Variants in MEX3D observed in about 807,000 individuals in gnomAD.
MEX3D encodes mex-3 RNA binding family member D.
A neutral mutation model predicts 6.3 loss-of-function variants in MEX3D; 4 were observed. The ratio of observed to expected loss-of-function variants is 0.64; its 90% confidence interval spans 0.31 to 1.46. MEX3D has a LOEUF of 1.46. MEX3D is among the 40% of genes most tolerant of loss of function. The pLI, the probability that MEX3D is intolerant of heterozygous loss-of-function variation, is 0.07. For synonymous variants in MEX3D, 626 were observed against 494.1 expected (o/e 1.27, Z -3.54); for missense variants, 1,038 against 994.4 (o/e 1.04, Z -0.59).
At chr19:1,565,818 G>A (rs1277293879) in intron 1 of MEX3D, among the ~76,000 whole-genome samples, 2 of 152,224 alleles carry the variant, frequency 1.3e-5, no homozygotes, top group Non-Finnish European at 2.9e-5. Flanking sequence ...CCATGGACCT[G>A]CCCCTAGAGA....
Position 1,561,211 on chromosome 19 carries a change from C to T in MEX3D, c.596-4288G>A, listed in dbSNP as rs1473101710. On this transcript the variant is annotated intron_variant, in intron 1 of 1. Coordinates refer to ENST00000402693, the MANE Select transcript of MEX3D (RefSeq NM_203304.4). ...CAGGGTCCTGGCTGCAATGACCGTG[C>T]ACTACGACTTACCAATGAAACCACA... Among the ~76,000 whole-genome samples the T allele has an allele frequency of 7.2e-5, 11 of 152,224 alleles. No homozygotes were observed. The East Asian group carries it at 1.9e-3, about 27-fold the overall frequency.
intron 1 of MEX3D, among the ~76,000 whole-genome samples, chr19:1,560,346 G>A (rs1445828842): frequency 2.6e-5 from 4 of 152,240 alleles, no homozygotes; most frequent in Admixed American, 2.6e-4. Flanking sequence ...GCCACCCACA[G>A]ATGGAGGCTC....
rs1914901154 is a variant in MEX3D, at chr19:1,568,051, C to G, written c.8G>C (p.Ser3Thr). ...GCCGCCGTCGGGCTGGCCGAGCGAG[C>G]TGGGCATGGCGGGAGCTAGCGCTGG... Reference protein sequence around the residue: MPSSLGQPDGGGG... With the variant: MPTSLGQPDGGGG... The change falls in exon 1 of 2, where the codon AGC (serine) becomes ACC (threonine). Residue 3 changes from serine to threonine, a missense_variant. Ser to Thr is a moderately conservative substitution (Grantham distance 58, BLOSUM62 1). Coordinates refer to ENST00000402693, the MANE Select transcript of MEX3D (RefSeq NM_203304.4). The G allele has an allele frequency of 3.1e-6, 3 of 978,118 alleles. No homozygotes were observed. The highest frequency in any genetic ancestry group is 6.4e-5 in the Admixed American group (1 of 15,528). The allele number at this position is 978,118 out of a possible 1,614,324, so 60.6% of individuals were successfully genotyped here. A position where few individuals can be genotyped will look rare whatever the true frequency, so the allele number is the denominator to read the frequency against.
At position 1,568,276 on chromosome 19, in the gene MEX3D, G is replaced by A. The variant is rs1914910340; in HGVS notation, c.-218C>T. ...GCAGCGACTCTGGCTGCGGCTCGGC[G>A]GCGGCGGCGACGGCGGCGGCGGCTC... On this transcript the variant is annotated 5_prime_UTR_variant, in exon 1 of 2. Coordinates refer to ENST00000402693, the MANE Select transcript of MEX3D (RefSeq NM_203304.4). Among the ~76,000 whole-genome samples, 1 of 141,976 alleles carries A rather than the reference G, an allele frequency of 7.0e-6. No individual in the cohort carries two copies. Among genetic ancestry groups the A allele is most frequent in the African/African-American group, 2.5e-5 (1 of 39,674 alleles). The allele number at this position is 141,976 out of a possible 152,430, so 93.1% of individuals were successfully genotyped here.
intron 1 of MEX3D, among the ~76,000 whole-genome samples, chr19:1,562,524 C>CA (rs1914746200): frequency 6.6e-6 from 1 of 151,256 alleles, no homozygotes; most frequent in African/African-American, 2.4e-5. Flanking sequence ...GACTCCGCCT[C>CA]AAAAGAAAAG....
In MEX3D at chr19:1,555,932, C is replaced by G; in HGVS notation, c.1587G>C (p.Leu529=). 1 of 1,189,026 alleles carries G rather than the reference C, an allele frequency of 8.4e-7. No homozygotes were observed. The highest frequency in any genetic ancestry group is 1.0e-6 in the Non-Finnish European group (1 of 960,672). 73.7% of individuals were successfully genotyped at this position (1,189,026 alleles called of 1,614,324 possible). Residue 529 remains leucine, a synonymous_variant, in exon 2 of 2, where the codon CTG becomes CTC. Coordinates refer to ENST00000402693, the MANE Select transcript of MEX3D (RefSeq NM_203304.4). ...EPGGLRLELP[L]SRRGAPDPVG... Reference sequence around the variant, plus strand: ...CCGGGTCCGGGGCGCCACGGCGAGACAGCGGGAGCTCCAGGCGGAGGCCGC... The same window carrying G: ...CCGGGTCCGGGGCGCCACGGCGAGAGAGCGGGAGCTCCAGGCGGAGGCCGC...
At chr19:1,558,432 CAG>C (rs1056003187) in intron 1 of MEX3D, among the ~76,000 whole-genome samples, 3 of 151,924 alleles carry the variant, frequency 2.0e-5, no homozygotes, top group African/African-American at 4.8e-5. Context: ...GAGACACAGA[CAG>C]AGACTGCAGT....
Position 1,556,820 on chromosome 19 carries a change from C to A in MEX3D, c.699G>T (p.Val233=). ...VFIVTGRKED[V]EMAKREILSA... ...ACAGGATCTCACGCTTGGCCATCTC[C>A]ACGTCCTCCTTCCGGCCGGTCACGA... The change falls in exon 2 of 2, where the codon GTG becomes GTT. Residue 233 remains valine, a synonymous_variant. Coordinates refer to ENST00000402693, the MANE Select transcript of MEX3D (RefSeq NM_203304.4). The surrounding 1 kb of genome is among the most constrained non-coding windows in gnomAD (Gnocchi z 7.5). 6.2e-7 allele frequency: 1 copy of A among 1,612,660 alleles called. No individual in the cohort carries two copies. Among genetic ancestry groups the A allele is most frequent in the South Asian group, 1.1e-5 (1 of 91,092 alleles).
In MEX3D at chr19:1,555,438, C is replaced by CG; in HGVS notation, c.*124_*125insC. The CG allele has an allele frequency of 1.0e-5, 15 of 1,476,378 alleles. No homozygotes were observed. The highest frequency in any genetic ancestry group is 1.4e-5 in the Non-Finnish European group (15 of 1,098,360). The allele number at this position is 1,476,378 out of a possible 1,614,324, so 91.5% of individuals were successfully genotyped here. A position where few individuals can be genotyped will look rare whatever the true frequency, so the allele number is the denominator to read the frequency against. On this transcript the variant is annotated 3_prime_UTR_variant, in exon 2 of 2. Coordinates refer to ENST00000402693, the MANE Select transcript of MEX3D (RefSeq NM_203304.4). ...CTGTAAACACTGGCCGCCGCCCACC[C>CG]CCCTGCCCCCTCGGCCTCCGCCCCT...
At position 1,556,151 on chromosome 19, in the gene MEX3D, G is replaced by A. The variant is rs1220939634; in HGVS notation, c.1368C>T (p.Asp456=). Residue 456 remains aspartate, a synonymous_variant, in exon 2 of 2, where the codon GAC becomes GAT. Transcript: ENST00000402693. This position sits in a 1 kb window ranked among gnomAD's most constrained non-coding sequence, Gnocchi z 7.5. ...AAPDDCDFGF[D]FDFLALDLTV... is the part of the protein sequence containing the mutation. ...TCAGGTCCAGCGCCAGGAAGTCGAA[G>A]TCGAAGCCGAAGTCGCAGTCGTCGG... The A allele has an allele frequency of 6.8e-7, 1 of 1,475,338 alleles. No individual in the cohort carries two copies. The allele number at this position is 1,475,338 out of a possible 1,614,324, so 91.4% of individuals were successfully genotyped here. A position where few individuals can be genotyped will look rare whatever the true frequency, so the allele number is the denominator to read the frequency against.
At chr19:1,565,214 T>G (rs893559336) in intron 1 of MEX3D, among the ~76,000 whole-genome samples, 2 of 152,064 alleles carry the variant, frequency 1.3e-5, no homozygotes, top group African/African-American at 4.8e-5. Context: ...AGCAAGACCC[T>G]GTCTCTACAA....
chr19:1,560,537 A>G (rs1227508614), intron 1 of MEX3D, among the ~76,000 whole-genome samples: 1 of 152,186 alleles, frequency 6.6e-6, no homozygotes, highest in Non-Finnish European at 1.5e-5. Flanking sequence ...GCCACCGCTG[A>G]GCTCACAGGC....
chr19:1,567,700 G>A lies in MEX3D; in HGVS notation c.359C>T (p.Ala120Val), dbSNP rs1423267854. ...GTCCAGCAGCGGCAGCGACCCGGGG[G>A]CCACGGCGGGGGCCAGGGTCGGGGG... The part of the protein sequence containing the change: ...GAPPTLAPAV[A>V]PGSLPLLDPN... The change falls in exon 1 of 2, where the codon GCC (alanine) becomes GTC (valine). Residue 120 changes from alanine (A) to valine (V), a missense_variant. By Grantham distance (64) the Ala-to-Val change is moderately conservative. Coordinates refer to ENST00000402693, the MANE Select transcript of MEX3D (RefSeq NM_203304.4). The surrounding 1 kb of genome is among the most constrained non-coding windows in gnomAD (Gnocchi z 6.5). 23 of 1,073,982 alleles carry A rather than the reference G, an allele frequency of 2.1e-5. No homozygotes were observed. The East Asian group carries it at 2.6e-4, about 12-fold the overall frequency. 66.5% of individuals were successfully genotyped at this position (1,073,982 alleles called of 1,614,324 possible).
chr19:1,565,999 G>A (rs1914829662), intron 1 of MEX3D, among the ~76,000 whole-genome samples: 1 of 152,246 alleles, frequency 6.6e-6, no homozygotes, highest in South Asian at 2.1e-4. Context: ...CGTGCCTTTG[G>A]TCACTTGGTC....
Position 1,567,736 on chromosome 19 carries a change from T to C in MEX3D, c.323A>G (p.Glu108Gly). 1.0e-6 allele frequency: 1 copy of C among 974,458 alleles called. No homozygotes were observed. The highest frequency in any genetic ancestry group is 1.2e-6 in the Non-Finnish European group (1 of 815,558). 60.4% of individuals were successfully genotyped at this position (974,458 alleles called of 1,614,324 possible). The change falls in exon 1 of 2, where the codon GAG becomes GGG. Residue 108 changes from glutamate to glycine, a missense_variant. This residue lies in a region of MEX3D where 265 missense variants were observed against 206.3 expected (regional missense o/e 1.28). Transcript: ENST00000402693. The surrounding 1 kb of genome is among the most constrained non-coding windows in gnomAD (Gnocchi z 6.5). ...GGCCAGGGTCGGGGGCGCGCCGGCC[T>C]CAGGTCCGTCGGGGGGCACAGGCTC... ...APEPVPPDGP[E>G]AGAPPTLAPA...
chr19:1,565,022 A>G (rs1005132082), intron 1 of MEX3D, among the ~76,000 whole-genome samples: 2 of 152,174 alleles, frequency 1.3e-5, no homozygotes, highest in African/African-American at 4.8e-5. Flanking sequence ...CCTGGCATCC[A>G]CAGTTGCATC....
chr19:1,568,073 C>T lies in MEX3D; in HGVS notation c.-15G>A. On this transcript the variant is annotated 5_prime_UTR_variant, in exon 1 of 2. Coordinates refer to ENST00000402693, the MANE Select transcript of MEX3D (RefSeq NM_203304.4). Reference sequence around the variant, plus strand: ...GAGCTGGGCATGGCGGGAGCTAGCGCTGGGGCCCGCGCTCCTGCCGCCCGC... The same window carrying T: ...GAGCTGGGCATGGCGGGAGCTAGCGTTGGGGCCCGCGCTCCTGCCGCCCGC... 3 of 977,960 alleles carry T rather than the reference C, an allele frequency of 3.1e-6. No homozygotes were observed. Among genetic ancestry groups the T allele is most frequent in the South Asian group, 4.6e-5 (1 of 21,856 alleles). The allele number at this position is 977,960 out of a possible 1,614,324, so 60.6% of individuals were successfully genotyped here.
At position 1,555,737 on chromosome 19, in the gene MEX3D, C is replaced by A; in HGVS notation, c.1782G>T (p.Pro594=). Residue 594 remains proline, a synonymous_variant, in exon 2 of 2, where the codon CCG becomes CCT. Coordinates refer to ENST00000402693, the MANE Select transcript of MEX3D (RefSeq NM_203304.4). Reference sequence around the variant, plus strand: ...ACACCACGCACTCTCGCGCCAGGGCCGGGGCCGAGGACGCCGAAGGGGGCT... The same window carrying A: ...ACACCACGCACTCTCGCGCCAGGGCAGGGGCCGAGGACGCCGAAGGGGGCT... ...SRKPPSASSA[P]ALARECVVCA... 1 of 1,518,496 alleles carries A rather than the reference C, an allele frequency of 6.6e-7. No homozygotes were observed. 94.1% of individuals were successfully genotyped at this position (1,518,496 alleles called of 1,614,324 possible). A position where few individuals can be genotyped will look rare whatever the true frequency, so the allele number is the denominator to read the frequency against.
Position 1,555,689 on chromosome 19 carries a change from A to G in MEX3D, c.1830T>C (p.Ala610=), listed in dbSNP as rs1914513839. ...CVVCAEGEVM[A]ALVPCGHNLF... ...GGTTGTGGCCGCAGGGGACCAGCGC[A>G]GCCATCACCTCGCCCTCGGCGCACA... Residue 610 remains alanine, a synonymous_variant, in exon 2 of 2, where the codon GCT becomes GCC. Coordinates refer to ENST00000402693, the MANE Select transcript of MEX3D (RefSeq NM_203304.4). 1.3e-6 allele frequency: 2 copies of G among 1,570,114 alleles called. No homozygotes were observed. Among genetic ancestry groups the G allele is most frequent in the Non-Finnish European group, 1.7e-6 (2 of 1,162,328 alleles).
Sources: gnomAD v4.1 joint callset for allele counts (sites outside exome capture counted in the v4.1 genomes callset) on GRCh38, gnomAD v4.1.1 for gene constraint, gnomAD v4.1.1 regional missense constraint, Gnocchi (gnomAD v3.1) non-coding constraint, MANE v1.5 for transcripts, NCBI Gene and HGNC (gene_info 2026-07-23, HGNC 2026-07-21) for gene names.